The following GUCY1A2 variants were observed in gnomAD, a reference collection of about 807,000 sequenced individuals.
GUCY1A2 encodes the protein guanylate cyclase soluble subunit alpha-2.
Under a neutral mutation model 63.5 loss-of-function variants are expected in GUCY1A2, and 27 were observed. That is an observed-to-expected ratio of 0.43 (90% confidence interval 0.31 to 0.59). The LOEUF (loss-of-function observed/expected upper bound fraction) is 0.59. Among genes scored for constraint, GUCY1A2 ranks in the 20% least tolerant of loss-of-function variants. GUCY1A2 has a pLI of 0.11. For synonymous variants in GUCY1A2, 364 were observed against 343.5 expected, an observed-to-expected ratio of 1.06 and a Z score of -0.66; for missense variants, 768 against 913.3, an observed-to-expected ratio of 0.84 and a Z score of 2.05.
At chr11:106,818,467 C>T (rs1354208791) in intron 4 of GUCY1A2, among the ~76,000 whole-genome samples, 2 of 152,122 alleles carry the variant, frequency 1.3e-5, no homozygotes, top group East Asian at 1.9e-4. Context: ...GCCCCACCAA[C>T]GAGCTGTTCC....
rs554650957 is a variant in GUCY1A2, at chr11:106,899,717, T to A, written c.1206+39743A>T. The stretch of plus-strand genomic sequence containing the variant: ...ATGAACCTTCATCCCAGAAAAAGAA[T>A]CCTATGCCAAATTTTGCATATTAAT... On this transcript the variant is annotated intron_variant, in intron 4 of 7. Transcript: ENST00000526355. Among the ~76,000 whole-genome samples the A allele has an allele frequency of 7.2e-5, 11 of 152,292 alleles. No homozygotes were observed. In the East Asian group the frequency reaches 2.1e-3, roughly 29 times the overall value.
rs191493765 is a variant in GUCY1A2, at chr11:106,914,077, G to T, written c.1206+25383C>A. On this transcript the variant is annotated intron_variant, in intron 4 of 7. Coordinates refer to ENST00000526355, the MANE Select transcript of GUCY1A2 (RefSeq NM_000855.3). Reference sequence around the variant, plus strand: ...GAGGGAAGGAGAAAAGAGAGAGAGGGCCAGTGAGACAGAAAGCAAAATCTA... The same window carrying T: ...GAGGGAAGGAGAAAAGAGAGAGAGGTCCAGTGAGACAGAAAGCAAAATCTA... Among the ~76,000 whole-genome samples the T allele has an allele frequency of 3.8e-4, 57 of 151,436 alleles. 1 individual carries two copies. Among genetic ancestry groups the T allele is most frequent in the African/African-American group, 1.3e-3 (52 of 41,384 alleles).
At chr11:107,004,713 G>A (rs1181904571) in intron 1 of GUCY1A2, among the ~76,000 whole-genome samples, 3 of 152,184 alleles carry the variant, frequency 2.0e-5, no homozygotes, top group Non-Finnish European at 2.9e-5. Context: ...AAACAGTGAT[G>A]TGAAACAGAA....
At chr11:106,812,821 C>G (rs1006464431) in intron 4 of GUCY1A2, among the ~76,000 whole-genome samples, 1 of 151,884 alleles carries the variant, frequency 6.6e-6, no homozygotes, top group Admixed American at 6.6e-5. Flanking sequence ...TGATTGCCTA[C>G]ACTACAGAAA....
At chr11:106,936,901 A>G (rs956366631) in intron 4 of GUCY1A2, among the ~76,000 whole-genome samples, 2 of 152,230 alleles carry the variant, frequency 1.3e-5, no homozygotes, top group African/African-American at 4.8e-5. Context: ...ATACATTAAC[A>G]AGAATAGCTA....
intron 6 of GUCY1A2, among the ~76,000 whole-genome samples, chr11:106,739,987 T>G (rs962546769): frequency 6.6e-5 from 10 of 150,852 alleles, no homozygotes; most frequent in Non-Finnish European, 1.2e-4. Flanking sequence ...TTACACCTCA[T>G]TGAGAGGCAC....
chr11:106,855,868 G>A (rs1224265803), intron 4 of GUCY1A2, among the ~76,000 whole-genome samples: 1 of 149,520 alleles, frequency 6.7e-6, no homozygotes, highest in Non-Finnish European at 1.5e-5. Context: ...GTTCAAGGGT[G>A]TTTTATCTGT....
intron 6 of GUCY1A2, among the ~76,000 whole-genome samples, chr11:106,731,168 C>T (rs932427085): frequency 6.6e-6 from 1 of 152,006 alleles, no homozygotes; most frequent in African/African-American, 2.4e-5. Flanking sequence ...AATCTTTGCC[C>T]AGTCTTATGT....
chr11:107,015,021 T>G (rs1273645216), intron 1 of GUCY1A2, among the ~76,000 whole-genome samples: 1 of 152,202 alleles, frequency 6.6e-6, no homozygotes, highest in Non-Finnish European at 1.5e-5. Flanking sequence ...CTACTGGAAC[T>G]TTTTGAGCTA....
intron 4 of GUCY1A2, among the ~76,000 whole-genome samples, chr11:106,813,607 A>G (rs1591287669): frequency 6.6e-6 from 1 of 152,198 alleles, no homozygotes; most frequent in South Asian, 2.1e-4. Context: ...AGGTTTTATA[A>G]GAAAATCATT....
intron 4 of GUCY1A2, among the ~76,000 whole-genome samples, chr11:106,902,449 T>C (rs996393435): frequency 3.3e-5 from 5 of 152,342 alleles, no homozygotes; most frequent in Admixed American, 2.0e-4. Flanking sequence ...TTTTGAAGTT[T>C]TGACTTCTCC....
chr11:106,797,151 A>G (rs1398719739), intron 5 of GUCY1A2, among the ~76,000 whole-genome samples: 5 of 151,944 alleles, frequency 3.3e-5, no homozygotes, highest in Admixed American at 2.0e-4. Context: ...CTTCTCTACA[A>G]TGGTTATTCT....
intron 3 of GUCY1A2, among the ~76,000 whole-genome samples, chr11:106,967,406 C>G (rs550173742): frequency 6.6e-6 from 1 of 152,006 alleles, no homozygotes; most frequent in Non-Finnish European, 1.5e-5. Context: ...GTAAAAAAAT[C>G]TAGCAGTAAC....
chr11:106,894,706 A>G (rs1860021852), intron 4 of GUCY1A2, among the ~76,000 whole-genome samples: 1 of 152,184 alleles, frequency 6.6e-6, no homozygotes, highest in Non-Finnish European at 1.5e-5. Flanking sequence ...ATATAAAAAT[A>G]TTTTTGACTA....
intron 7 of GUCY1A2, among the ~76,000 whole-genome samples, chr11:106,700,858 G>A (rs1016253069): frequency 6.6e-6 from 1 of 151,338 alleles, no homozygotes; most frequent in Non-Finnish European, 1.5e-5. Flanking sequence ...AAGTTTCTTT[G>A]GATCTTTCCC....
chr11:106,723,296 A>G (rs1437380577), intron 6 of GUCY1A2, among the ~76,000 whole-genome samples: 1 of 152,162 alleles, frequency 6.6e-6, no homozygotes, highest in East Asian at 1.9e-4. Flanking sequence ...GAAGTCACTT[A>G]CTTTGGGAAG....
intron 5 of GUCY1A2, among the ~76,000 whole-genome samples, chr11:106,797,691 C>A (rs1248729376): frequency 1.3e-5 from 2 of 152,124 alleles, no homozygotes; most frequent in East Asian, 3.8e-4. Flanking sequence ...GAAATGAAGG[C>A]AAAAATAAAG....
intron 5 of GUCY1A2, among the ~76,000 whole-genome samples, chr11:106,793,778 G>A (rs1864704611): frequency 6.6e-6 from 1 of 151,970 alleles, no homozygotes; most frequent in South Asian, 2.1e-4. Context: ...CATAAGGGAA[G>A]TACAAATTAA....
intron 4 of GUCY1A2, among the ~76,000 whole-genome samples, chr11:106,888,382 G>A (rs906279572): frequency 7.9e-5 from 12 of 151,836 alleles, no homozygotes; most frequent in Non-Finnish European, 1.8e-4. Flanking sequence ...AGAGAATGGC[G>A]TGAACCCAGG....
Sources: allele counts gnomAD v4.1 joint callset (sites outside exome capture counted in the v4.1 genomes callset), GRCh38; gene constraint gnomAD v4.1.1; transcripts MANE v1.5; gene names NCBI Gene and HGNC (gene_info 2026-07-23, HGNC 2026-07-21).